Variants in PACRG observed in about 807,000 individuals in gnomAD.
PACRG encodes the protein parkin coregulated, also known as parkin coregulated gene protein.
A neutral mutation model predicts 29.7 loss-of-function variants in PACRG; 29 were observed. The ratio of observed to expected loss-of-function variants is 0.98; its 90% CI spans 0.73 to 1.33. PACRG has a LOEUF of 1.33. Ranked by LOEUF, PACRG falls within the 40% of genes most tolerant of loss-of-function variation. The probability of loss-of-function intolerance (pLI) is 0.00; values close to 1 mark genes in which losing one functional copy is unlikely to be tolerated. For missense variants in PACRG, 279 were observed against 316.2 expected, an observed-to-expected ratio of 0.88 and a Z score of 0.89; for synonymous variants, 116 against 118.7, an observed-to-expected ratio of 0.98 and a Z score of 0.15.
chr6:162,844,798 T>C (rs1372656075), intron 2 of PACRG, among the ~76,000 whole-genome samples: 2 of 152,340 alleles, frequency 1.3e-5, no homozygotes, highest in East Asian at 3.9e-4. Flanking sequence ...CTTAAAATGG[T>C]TATTTCTTAT....
intron 4 of PACRG, among the ~76,000 whole-genome samples, chr6:163,124,210 T>A (rs1816422533): frequency 6.6e-6 from 1 of 152,228 alleles, no homozygotes; most frequent in South Asian, 2.1e-4. Flanking sequence ...ATCACATACA[T>A]GGTTTGCAAA....
At chr6:163,159,113 A>G (rs912018229) in intron 4 of PACRG, among the ~76,000 whole-genome samples, 1 of 152,110 alleles carries the variant, frequency 6.6e-6, no homozygotes, top group African/African-American at 2.4e-5. Flanking sequence ...AACTTAGAGA[A>G]CTTCTCTGAA....
rs541704522 is a variant in PACRG, at chr6:162,763,339, C to T, written c.156+34948C>T. Among the ~76,000 whole-genome samples, 464 of 152,232 alleles carry T rather than the reference C, an allele frequency of 3.0e-3. 1 individual carries two copies. The highest frequency in any genetic ancestry group is 1.0e-2 in the African/African-American group (414 of 41,532). Reference sequence around the variant, plus strand: ...GGAAGGAGGGATGTGGAGGCAAGACCGCTGTCAGGTCACCTGTCACAACGC... The same window carrying T: ...GGAAGGAGGGATGTGGAGGCAAGACTGCTGTCAGGTCACCTGTCACAACGC... On this transcript the variant is annotated intron_variant, in intron 1 of 4. Coordinates refer to ENST00000366888, the MANE Select transcript of PACRG (RefSeq NM_001080379.2).
chr6:163,287,427 C>T (rs888375761), intron 4 of PACRG, among the ~76,000 whole-genome samples: 12 of 152,334 alleles, frequency 7.9e-5, no homozygotes, highest in South Asian at 2.1e-4. Flanking sequence ...TTCGCCGCCA[C>T]GTTTGTCCCC....
intron 2 of PACRG, among the ~76,000 whole-genome samples, chr6:163,032,932 T>A (rs1734867078): frequency 6.6e-6 from 1 of 152,344 alleles, no homozygotes; most frequent in South Asian, 2.1e-4. Flanking sequence ...ATTCCAATGT[T>A]TAGTTTATGG....
intron 2 of PACRG, among the ~76,000 whole-genome samples, chr6:163,024,902 G>A (rs1283941461): frequency 6.6e-6 from 1 of 152,098 alleles, no homozygotes; most frequent in African/African-American, 2.4e-5. Flanking sequence ...TTATTTCTGG[G>A]ATGCAGGGCT....
intron 2 of PACRG, among the ~76,000 whole-genome samples, chr6:162,973,397 C>T (rs1801689684): frequency 6.6e-6 from 1 of 152,228 alleles, no homozygotes; most frequent in African/African-American, 2.4e-5. Flanking sequence ...GGCTCCATTT[C>T]ATGCATGATC....
chr6:163,162,359 C>T (rs377221465), intron 4 of PACRG, among the ~76,000 whole-genome samples: 17 of 152,336 alleles, frequency 1.1e-4, no homozygotes, highest in East Asian at 7.7e-4. Context: ...GTTGAAATCA[C>T]GCGGGACGTT....
At chr6:163,160,958 T>C (rs532210332) in intron 4 of PACRG, among the ~76,000 whole-genome samples, 1 of 152,328 alleles carries the variant, frequency 6.6e-6, no homozygotes, top group South Asian at 2.1e-4. Flanking sequence ...AAGCACTTTA[T>C]GTGAATATGA....
Position 163,177,710 on chromosome 6 carries a change from ATTTTTTTTTTT to A in PACRG, c.613+88319_613+88329del, listed in dbSNP as rs398003265. Among the ~76,000 whole-genome samples the A allele has an allele frequency of 1.8e-3, 97 of 53,750 alleles. 1 individual carries two copies. The highest frequency in any genetic ancestry group is 6.4e-3 in the African/African-American group (88 of 13,712). The allele number at this position is 53,750 out of a possible 152,430, so 35.3% of individuals were successfully genotyped here. A position where few individuals can be genotyped will look rare whatever the true frequency, so the allele number is the denominator to read the frequency against. ...TGTTAGCTAAGAAATTAGAAAAGGGATTTTTTTTTTTTTTTTTTTTTTTTTTTGCGGGTGGG... is the reference window on the plus strand; with the variant it reads ...TGTTAGCTAAGAAATTAGAAAAGGGATTTTTTTTTTTTTTTTGCGGGTGGG... On this transcript the variant is annotated intron_variant, in intron 4 of 4. Coordinates refer to ENST00000366888, the MANE Select transcript of PACRG (RefSeq NM_001080379.2).
chr6:162,786,509 C>T (rs913612556), intron 1 of PACRG, among the ~76,000 whole-genome samples: 11 of 152,150 alleles, frequency 7.2e-5, no homozygotes, highest in Non-Finnish European at 1.6e-4. Flanking sequence ...TATGGGCAAC[C>T]ATCTATTATC....
intron 2 of PACRG, among the ~76,000 whole-genome samples, chr6:162,964,933 C>T (rs888491354): frequency 2.0e-5 from 3 of 152,212 alleles, no homozygotes; most frequent in African/African-American, 7.2e-5. Flanking sequence ...GTAACGACAT[C>T]ACTTTGTACT....
intron 4 of PACRG, among the ~76,000 whole-genome samples, chr6:163,197,282 T>C (rs1364862070): frequency 6.6e-6 from 1 of 152,082 alleles, no homozygotes. Context: ...TTTCAGTTGC[T>C]CCAGTACACA....
chr6:162,789,737 T>C (rs917471615), intron 1 of PACRG, among the ~76,000 whole-genome samples: 1 of 152,206 alleles, frequency 6.6e-6, no homozygotes, highest in Non-Finnish European at 1.5e-5. Context: ...TTGGTCTTCC[T>C]CAATAGAAAC....
chr6:162,989,053 C>T (rs187974311), intron 2 of PACRG, among the ~76,000 whole-genome samples: 1 of 152,144 alleles, frequency 6.6e-6, no homozygotes, highest in Admixed American at 6.6e-5. Flanking sequence ...AGAATAGACA[C>T]GTCCAGTGCT....
chr6:163,056,650 G>A (rs1240482734), intron 2 of PACRG, among the ~76,000 whole-genome samples: 1 of 152,150 alleles, frequency 6.6e-6, no homozygotes, highest in African/African-American at 2.4e-5. Context: ...AGAAGGAGTG[G>A]TCATGAATTT....
At chr6:163,235,372 C>T (rs187310631) in intron 4 of PACRG, among the ~76,000 whole-genome samples, 2 of 152,264 alleles carry the variant, frequency 1.3e-5, no homozygotes, top group Admixed American at 6.5e-5. Context: ...TCTCAATTTC[C>T]CCATTGTACG....
intron 4 of PACRG, among the ~76,000 whole-genome samples, chr6:163,241,756 C>G (rs1159600488): frequency 1.3e-5 from 2 of 152,092 alleles, no homozygotes; most frequent in African/African-American, 4.8e-5. Context: ...AGTTGAGAAC[C>G]ATGAAGCGGG....
chr6:162,957,201 G>T (rs1800116623), intron 2 of PACRG: 1 of 357,020 alleles, frequency 2.8e-6, no homozygotes, highest in South Asian at 2.9e-5. Flanking sequence ...GGATGTGTGG[G>T]GCCCAGCTTA....
Sources: allele counts gnomAD v4.1 joint callset (sites outside exome capture counted in the v4.1 genomes callset), GRCh38; gene constraint gnomAD v4.1.1; transcripts MANE v1.5; gene names NCBI Gene and HGNC (gene_info 2026-07-23, HGNC 2026-07-21).